ZDHHC2: variants seen among roughly 807,000 people sequenced by gnomAD.
ZDHHC2 encodes zDHHC palmitoyltransferase 2.
A neutral mutation model predicts 55.6 loss-of-function variants in ZDHHC2; 51 were observed. The observed-to-expected ratio is 0.92, with a 90% CI of 0.73 to 1.16. The LOEUF (loss-of-function observed/expected upper bound fraction) is 1.16, where lower values mean the gene tolerates loss of function less well. ZDHHC2 is among the 50% of genes most tolerant of loss of function. The probability of loss-of-function intolerance (pLI) is 0.00; values close to 1 mark genes in which losing one functional copy is unlikely to be tolerated. For synonymous variants in ZDHHC2, 199 were observed against 152.9 expected, an observed-to-expected ratio of 1.30 and a Z score of -2.22; for missense variants, 491 against 442.4, an observed-to-expected ratio of 1.11 and a Z score of -0.99.
chr8:17,172,984 A>G (rs1207404708), intron 1 of ZDHHC2, among the ~76,000 whole-genome samples: 2 of 152,098 alleles, frequency 1.3e-5, no homozygotes, highest in African/African-American at 4.8e-5. Flanking sequence ...AAGTTTGTAA[A>G]ATTATGTTTG....
chr8:17,175,986 G>A (rs545650626), intron 1 of ZDHHC2, among the ~76,000 whole-genome samples: 4 of 152,270 alleles, frequency 2.6e-5, no homozygotes, highest in Admixed American at 2.6e-4. Flanking sequence ...AGGGACTAGT[G>A]ACCAGAAGTG....
chr8:17,173,152 A>T (rs1585657464), intron 1 of ZDHHC2, among the ~76,000 whole-genome samples: 1 of 152,182 alleles, frequency 6.6e-6, no homozygotes, highest in Non-Finnish European at 1.5e-5. Context: ...ACGGCTGCCC[A>T]GGACAAAGCA....
chr8:17,179,680 G>A (rs1392199070), intron 1 of ZDHHC2, among the ~76,000 whole-genome samples: 2 of 152,206 alleles, frequency 1.3e-5, no homozygotes, highest in Admixed American at 6.5e-5. Flanking sequence ...CGAAGTGCTG[G>A]CATTTCATGC....
chr8:17,187,064 T>A (rs1160586130), intron 3 of ZDHHC2, among the ~76,000 whole-genome samples: 1 of 152,192 alleles, frequency 6.6e-6, no homozygotes, highest in African/African-American at 2.4e-5. Context: ...TCATTTCCAC[T>A]TACATTTAGA....
intron 12 of ZDHHC2, among the ~76,000 whole-genome samples, chr8:17,219,551 G>C (rs961379642): frequency 1.2e-4 from 19 of 152,154 alleles, no homozygotes; most frequent in South Asian, 2.1e-4. Flanking sequence ...GAGCTAAGGA[G>C]TTGAAGACCA....
At position 17,224,399 on chromosome 8, in the gene ZDHHC2, A is replaced by C. The variant is rs1479672578; in HGVS notation, c.*4178A>C. 1 of 151,818 alleles carries C rather than the reference A, an allele frequency of 6.6e-6. No individual in the cohort carries two copies. Among genetic ancestry groups the C allele is most frequent in the East Asian group, 1.9e-4 (1 of 5,184 alleles). 9.4% of individuals were successfully genotyped at this position (151,818 alleles called of 1,614,324 possible). On this transcript the variant is annotated 3_prime_UTR_variant, in exon 13 of 13. Transcript: ENST00000262096. ...TTAAACCAAAGGGAAACTTTTAATAAGTTATTTTAAGCCCTGGTTTATGGC... is the reference window on the plus strand; with the variant it reads ...TTAAACCAAAGGGAAACTTTTAATACGTTATTTTAAGCCCTGGTTTATGGC...
At chr8:17,200,197 C>T (rs1434118216) in intron 6 of ZDHHC2, among the ~76,000 whole-genome samples, 1 of 152,330 alleles carries the variant, frequency 6.6e-6, no homozygotes, top group African/African-American at 2.4e-5. Context: ...GCTCCCCATT[C>T]AGGCACCTGT....
intron 6 of ZDHHC2, among the ~76,000 whole-genome samples, chr8:17,203,883 C>G (rs146310028): frequency 0.021 from 3,211 of 150,696 alleles, 50 homozygotes; most frequent in Admixed American, 0.043. Context: ...TCTCAGCTCA[C>G]TGCACCCTCC....
At chr8:17,210,518 G>A (rs754331209) in intron 10 of ZDHHC2, 38 bp downstream of exon 10, 14 of 1,521,816 alleles carry the variant, frequency 9.2e-6, no homozygotes, top group South Asian at 4.9e-5. Context: ...TTTCAAATAA[G>A]ATATTTTACC....
At chr8:17,171,391 G>A (rs1422106344) in intron 1 of ZDHHC2, among the ~76,000 whole-genome samples, 1 of 152,148 alleles carries the variant, frequency 6.6e-6, no homozygotes, top group Non-Finnish European at 1.5e-5. Context: ...CCTGAGATCA[G>A]ATTTCCTTAT....
intron 3 of ZDHHC2, among the ~76,000 whole-genome samples, chr8:17,191,917 C>T (rs1416095342): frequency 3.9e-5 from 6 of 152,138 alleles, no homozygotes; most frequent in Non-Finnish European, 8.8e-5. Context: ...TTTACATTCT[C>T]ACCAACAGTA....
chr8:17,201,568 C>CTGCAAGCT (rs1291712114), intron 6 of ZDHHC2, among the ~76,000 whole-genome samples: 3 of 133,364 alleles, frequency 2.2e-5, no homozygotes, highest in Non-Finnish European at 4.6e-5. Flanking sequence ...TCTTGGCTCA[C>CTGCAAGCT]TGCAAGCTCC....
chr8:17,216,832 A>T (rs1418695681), intron 11 of ZDHHC2, among the ~76,000 whole-genome samples: 1 of 152,142 alleles, frequency 6.6e-6, no homozygotes, highest in Non-Finnish European at 1.5e-5. Flanking sequence ...GATTGGTTTG[A>T]CTAGAATGAG....
chr8:17,213,887 A>G (rs187552500), intron 10 of ZDHHC2, among the ~76,000 whole-genome samples: 1 of 152,296 alleles, frequency 6.6e-6, no homozygotes, highest in East Asian at 1.9e-4. Flanking sequence ...GTGTGGAGAT[A>G]TGCTGTTTTC....
Position 17,186,342 on chromosome 8 carries a change from A to G in ZDHHC2, c.169A>G (p.Met57Val), listed in dbSNP as rs765865537. ...TTTTCTCATTTTAGTTGTGTGCCTG[A>G]TGGCCTATCATCTACTTTTTGCAAT... The part of the protein sequence containing the change: ...ENTGEQVVCL[M>V]AYHLLFAMFV... The change falls in exon 3 of 13, where the codon ATG becomes GTG. Residue 57 changes from methionine to valine, a missense_variant. By Grantham distance (21) the Met-to-Val change is conservative. Coordinates refer to ENST00000262096, the MANE Select transcript of ZDHHC2 (RefSeq NM_016353.5). 4.4e-6 allele frequency: 7 copies of G among 1,595,000 alleles called. No homozygotes were observed. The East Asian group carries it at 1.6e-4, about 36-fold the overall frequency.
At position 17,222,672 on chromosome 8, in the gene ZDHHC2, T is replaced by A. The variant is rs1483370308; in HGVS notation, c.*2451T>A. The stretch of plus-strand genomic sequence containing the variant: ...CAGTTGCATCTGAATATAATCATGA[T>A]GCATTCAATGAAGTTCATATCCATG... On this transcript the variant is annotated 3_prime_UTR_variant, in exon 13 of 13. Coordinates refer to ENST00000262096, the MANE Select transcript of ZDHHC2 (RefSeq NM_016353.5). 1.3e-5 allele frequency: 2 copies of A among 151,890 alleles called. No homozygotes were observed. Among genetic ancestry groups the A allele is most frequent in the African/African-American group, 4.8e-5 (2 of 41,432 alleles). The allele number at this position is 151,890 out of a possible 1,614,324, so 9.4% of individuals were successfully genotyped here. A position where few individuals can be genotyped will look rare whatever the true frequency, so the allele number is the denominator to read the frequency against.
At chr8:17,217,923 T>C (rs1301216557) in intron 12 of ZDHHC2, among the ~76,000 whole-genome samples, 1 of 152,216 alleles carries the variant, frequency 6.6e-6, no homozygotes, top group East Asian at 1.9e-4. Flanking sequence ...TTTACCGAGC[T>C]GAATATTAAA....
intron 12 of ZDHHC2, among the ~76,000 whole-genome samples, 157 bp from the exon 13 acceptor site, chr8:17,220,099 G>A (rs1807852650): frequency 6.6e-6 from 1 of 152,106 alleles, no homozygotes; most frequent in Non-Finnish European, 1.5e-5. Context: ...CAGTATTGAT[G>A]TAGAGTTCCA....
intron 6 of ZDHHC2, among the ~76,000 whole-genome samples, chr8:17,199,934 CT>C (rs1806655494): frequency 6.6e-6 from 1 of 151,828 alleles, no homozygotes; most frequent in Non-Finnish European, 1.5e-5. Flanking sequence ...AATTTTTGTA[CT>C]TTTAGTAGAG....
Sources: allele counts gnomAD v4.1 joint callset (sites outside exome capture counted in the v4.1 genomes callset), GRCh38; gene constraint gnomAD v4.1.1; transcripts MANE v1.5; gene names NCBI Gene and HGNC (gene_info 2026-07-23, HGNC 2026-07-21).